The following FOCAD variants were observed in gnomAD, a reference collection of about 807,000 sequenced individuals.
FOCAD encodes the protein KIAA1797.
A neutral mutation model predicts 225.6 loss-of-function variants in FOCAD; 198 were observed. That is an observed-to-expected ratio of 0.88 (90% CI 0.78 to 0.99). The LOEUF (loss-of-function observed/expected upper bound fraction) is 0.99, where lower values mean the gene tolerates loss of function less well. Among genes scored for constraint, FOCAD ranks in the 50% least tolerant of loss-of-function variants. The pLI is 0.00. For missense variants in FOCAD, 2,713 were observed against 2,123.6 expected, an observed-to-expected ratio of 1.28 and a Z score of -5.46; for synonymous variants, 897 against 755.0, an observed-to-expected ratio of 1.19 and a Z score of -3.08.
In FOCAD at chr9:20,948,308, A is replaced by T; in HGVS notation, c.3713A>T (p.His1238Leu). ...GCCCTGGCTTTAGGAAACATAGTTCATGGATTGTCTGTGTGTGGACATGGA... is the reference window on the plus strand; with the variant it reads ...GCCCTGGCTTTAGGAAACATAGTTCTTGGATTGTCTGTGTGTGGACATGGA... Reference protein sequence around the residue: ...GFALALGNIVHGLSVCGHGKA... With the variant: ...GFALALGNIVLGLSVCGHGKA... The change falls in exon 31 of 44, where the codon CAT (histidine) becomes CTT (leucine). Residue 1238 changes from histidine (H) to leucine (L), a missense_variant. His to Leu is a moderately conservative substitution (Grantham distance 99). Transcript: ENST00000338382. 1.2e-6 allele frequency: 2 copies of T among 1,611,998 alleles called. No individual in the cohort carries two copies. The highest frequency in any genetic ancestry group is 1.7e-6 in the Non-Finnish European group (2 of 1,178,710).
intron 9 of FOCAD, among the ~76,000 whole-genome samples, chr9:20,780,395 TACAGTATCAA>T (rs1819246792): frequency 6.6e-6 from 1 of 152,362 alleles, no homozygotes; most frequent in Non-Finnish European, 1.5e-5. Context: ...AGAAAGATAA[TACAGTATCAA>T]ACAGTCAAAT....
intron 4 of FOCAD, among the ~76,000 whole-genome samples, chr9:20,738,901 TA>T (rs1327816087): frequency 6.6e-6 from 1 of 152,202 alleles, no homozygotes; most frequent in African/African-American, 2.4e-5. Flanking sequence ...GTAATCAATA[TA>T]AAAAATTATA....
chr9:20,832,014 A>C (rs1227330281), intron 15 of FOCAD, among the ~76,000 whole-genome samples: 3 of 152,072 alleles, frequency 2.0e-5, no homozygotes, highest in African/African-American at 7.2e-5. Flanking sequence ...TCTTGTGGCA[A>C]CATGTATCAA....
At chr9:20,973,338 G>C (rs1159956300) in intron 35 of FOCAD, among the ~76,000 whole-genome samples, 4 of 151,564 alleles carry the variant, frequency 2.6e-5, no homozygotes, top group Admixed American at 1.3e-4. Context: ...AGCATCTGCT[G>C]ATGTGGGCTC....
At chr9:20,697,829 A>G (rs544538556) in intron 1 of FOCAD, among the ~76,000 whole-genome samples, 2 of 152,372 alleles carry the variant, frequency 1.3e-5, no homozygotes, top group Admixed American at 6.5e-5. Flanking sequence ...TGTTGAACAC[A>G]GTGGAGGAAC....
intron 24 of FOCAD, among the ~76,000 whole-genome samples, chr9:20,922,172 G>A (rs1316289367): frequency 1.3e-5 from 2 of 152,280 alleles, no homozygotes; most frequent in East Asian, 3.9e-4. Flanking sequence ...TTTCTTATTA[G>A]CTATATGAGT....
At chr9:20,888,163 G>A (rs1349565389) in intron 21 of FOCAD, among the ~76,000 whole-genome samples, 3 of 115,742 alleles carry the variant, frequency 2.6e-5, no homozygotes, top group African/African-American at 1.0e-4. Context: ...TTTTGAGATG[G>A]AGTCTTGCTC....
intron 24 of FOCAD, 75 bp from the exon 25 acceptor site, chr9:20,923,585 C>CCT (rs1461918428): frequency 2.7e-6 from 3 of 1,092,078 alleles, no homozygotes; most frequent in Non-Finnish European, 4.1e-6. Context: ...CTTCACCTGC[C>CCT]CTCCTATATT....
In FOCAD at chr9:20,822,960, T is replaced by G. The variant is rs776081725; in HGVS notation, c.1794-29T>G. 7.7e-6 allele frequency: 12 copies of G among 1,557,448 alleles called. No homozygotes were observed. In the South Asian group the frequency reaches 1.1e-4, roughly 14 times the overall value. On this transcript the variant is annotated intron_variant, in intron 14 of 43. Coordinates refer to ENST00000338382, the MANE Select transcript of FOCAD (RefSeq NM_001375567.1). ...AGTGATAACTGCACTTTAGCATTAA[T>G]TTTGCTTTTAAACTTTCATTTCTTG...
intron 8 of FOCAD, among the ~76,000 whole-genome samples, chr9:20,774,136 C>G (rs1280829055): frequency 6.6e-6 from 1 of 152,188 alleles, no homozygotes; most frequent in Non-Finnish European, 1.5e-5. Flanking sequence ...CATCCCGAAA[C>G]CATTCCCTGC....
At chr9:20,773,960 G>A (rs1053819613) in intron 8 of FOCAD, among the ~76,000 whole-genome samples, 3 of 152,222 alleles carry the variant, frequency 2.0e-5, no homozygotes, top group African/African-American at 7.2e-5. Flanking sequence ...GAGCAGCCCA[G>A]TGAGCCAGCA....
At chr9:20,715,869 G>A (rs1825290489) in intron 2 of FOCAD, among the ~76,000 whole-genome samples, 2 of 152,186 alleles carry the variant, frequency 1.3e-5, no homozygotes, top group African/African-American at 4.8e-5. Flanking sequence ...TAAGATAGAA[G>A]ATTGTGATAA....
chr9:20,700,903 G>A (rs1587262573), intron 1 of FOCAD, among the ~76,000 whole-genome samples: 1 of 152,332 alleles, frequency 6.6e-6, no homozygotes, highest in East Asian at 1.9e-4. Flanking sequence ...TGAACAAGAA[G>A]CTGCTTCTCT....
chr9:20,943,407 A>C (rs981331645), intron 28 of FOCAD, among the ~76,000 whole-genome samples: 15 of 152,070 alleles, frequency 9.9e-5, no homozygotes, highest in Non-Finnish European at 2.1e-4. Context: ...CATGAAGGGC[A>C]CTGAGAGGGG....
At position 20,944,694 on chromosome 9, in the gene FOCAD, C is replaced by A; in HGVS notation, c.3475C>A (p.Arg1159Ser). 1 of 1,614,098 alleles carries A rather than the reference C, an allele frequency of 6.2e-7. No homozygotes were observed. Among genetic ancestry groups the A allele is most frequent in the Non-Finnish European group, 8.5e-7 (1 of 1,179,972 alleles). The part of the protein sequence containing the change: ...LMSHSSQMQS[R>S]VHVAALLRKL... ...GAGCCACAGCAGCCAAATGCAGTCCCGCGTTCACGTAGCAGCATTGCTCCG... is the reference window on the plus strand; with the variant it reads ...GAGCCACAGCAGCCAAATGCAGTCCAGCGTTCACGTAGCAGCATTGCTCCG... The change falls in exon 29 of 44, where the codon CGC becomes AGC. Residue 1159 changes from arginine (R) to serine (S), a missense_variant. Arg to Ser is a moderately radical substitution (Grantham distance 110). Coordinates refer to ENST00000338382, the MANE Select transcript of FOCAD (RefSeq NM_001375567.1).
chr9:20,668,486 C>T (rs909581452), intron 2 of FOCAD, among the ~76,000 whole-genome samples: 2 of 152,284 alleles, frequency 1.3e-5, no homozygotes, highest in Non-Finnish European at 2.9e-5. Context: ...TATTGTTTTC[C>T]TATTTCCATT....
At position 20,789,471 on chromosome 9, in the gene FOCAD, T is replaced by A. The variant is rs900259492; in HGVS notation, c.1318T>A (p.Ser440Thr). Residue 440 changes from serine to threonine, a missense_variant, in exon 11 of 44, where the codon TCA (serine) becomes ACA (threonine). Ser to Thr is a moderately conservative substitution (Grantham distance 58). Transcript: ENST00000338382. ...AAGTGACTGGTTGGCTTCAGTAGAG[T>A]CATTGCTTCCTATTACTGCTGTGAT... Reference protein sequence around the residue: ...AASDWLASVESLLPITAVIPA... With the variant: ...AASDWLASVETLLPITAVIPA... 4 of 1,613,854 alleles carry A rather than the reference T, an allele frequency of 2.5e-6. No individual in the cohort carries two copies. Among genetic ancestry groups the A allele is most frequent in the Non-Finnish European group, 3.4e-6 (4 of 1,179,942 alleles).
At chr9:20,822,305 C>T (rs995956371) in intron 14 of FOCAD, among the ~76,000 whole-genome samples, 1 of 151,878 alleles carries the variant, frequency 6.6e-6, no homozygotes, top group African/African-American at 2.4e-5. Context: ...GCAATTTCAT[C>T]AATTTACATT....
At chr9:20,847,990 T>G (rs1218754918) in intron 15 of FOCAD, among the ~76,000 whole-genome samples, 2 of 152,092 alleles carry the variant, frequency 1.3e-5, no homozygotes, top group Admixed American at 6.6e-5. Context: ...ATTCTATGTA[T>G]ATGACAGGAA....
Sources: gnomAD v4.1 joint callset for allele counts (sites outside exome capture counted in the v4.1 genomes callset) on GRCh38, gnomAD v4.1.1 for gene constraint, MANE v1.5 for transcripts, NCBI Gene and HGNC (gene_info 2026-07-23, HGNC 2026-07-21) for gene names.